VTI1A: variants seen among roughly 807,000 people sequenced by gnomAD.
The protein encoded by VTI1A is vesicle transport through interaction with t-SNAREs 1A.
A neutral mutation model predicts 34.9 loss-of-function variants in VTI1A; 22 were observed. The observed-to-expected ratio is 0.63, with a 90% confidence interval of 0.45 to 0.90. VTI1A has a LOEUF of 0.90. VTI1A is among the 40% of genes least tolerant of loss of function. The pLI, the probability that VTI1A is intolerant of heterozygous loss-of-function variation, is 0.00. For synonymous variants in VTI1A, 87 were observed against 97.3 expected, an observed-to-expected ratio of 0.89 and a Z score of 0.62; for missense variants, 268 against 275.6, an observed-to-expected ratio of 0.97 and a Z score of 0.20.
At chr10:112,521,212 T>C (rs903454733) in intron 3 of VTI1A, among the ~76,000 whole-genome samples, 1 of 152,058 alleles carries the variant, frequency 6.6e-6, no homozygotes, top group African/African-American at 2.4e-5. Flanking sequence ...GAACTTACTT[T>C]CTCTGATAGC....
At chr10:112,695,370 T>A (rs1193386202) in intron 7 of VTI1A, among the ~76,000 whole-genome samples, 1 of 147,864 alleles carries the variant, frequency 6.8e-6, no homozygotes, top group Non-Finnish European at 1.5e-5. Context: ...AGCCTTCAAA[T>A]GACATTTTTT....
At chr10:112,447,985 A>C (rs2133994603) in intron 1 of VTI1A, among the ~76,000 whole-genome samples, 1 of 152,280 alleles carries the variant, frequency 6.6e-6, no homozygotes, top group East Asian at 1.9e-4. Flanking sequence ...CAGTGAGCCA[A>C]GATCTCGCCA....
chr10:112,731,063 G>T (rs1219180576), intron 7 of VTI1A, among the ~76,000 whole-genome samples: 1 of 152,008 alleles, frequency 6.6e-6, no homozygotes, highest in Non-Finnish European at 1.5e-5. Context: ...TGCCTTCTTT[G>T]TTGCATTCTG....
At position 112,568,804 on chromosome 10, in the gene VTI1A, C is replaced by G. The variant is rs550590792; in HGVS notation, c.427+30474C>G. On this transcript the variant is annotated intron_variant, in intron 5 of 7. Transcript: ENST00000393077. ...GTTTTTCCCCCCACTTTCTGTAACT[C>G]TCCTTTGACCACCTTTCTACCCTTG... is the stretch of plus-strand genomic sequence containing the variant. Among the ~76,000 whole-genome samples the G allele has an allele frequency of 2.6e-5, 4 of 152,234 alleles. No homozygotes were observed. In the South Asian group the frequency reaches 8.3e-4, roughly 32 times the overall value.
At chr10:112,714,954 A>G (rs932231396) in intron 7 of VTI1A, among the ~76,000 whole-genome samples, 6 of 152,234 alleles carry the variant, frequency 3.9e-5, no homozygotes, top group Non-Finnish European at 5.9e-5. Flanking sequence ...GTTGCAGGTT[A>G]TAAGTTATAT....
At chr10:112,610,598 G>A (rs1845258452) in intron 5 of VTI1A, among the ~76,000 whole-genome samples, 1 of 152,302 alleles carries the variant, frequency 6.6e-6, no homozygotes, top group Admixed American at 6.5e-5. Context: ...TTATTACTCA[G>A]AACTTAGGAC....
chr10:112,637,669 A>AG (rs1163029269), intron 5 of VTI1A, among the ~76,000 whole-genome samples: 1 of 152,204 alleles, frequency 6.6e-6, no homozygotes, highest in Non-Finnish European at 1.5e-5. Flanking sequence ...CAAAAAAAAA[A>AG]CAGCTGTATA....
the VTI1A span, among the ~76,000 whole-genome samples, chr10:112,836,618 T>C: frequency 7.5e-3 from 1,150 of 152,320 alleles, 11 homozygotes; most frequent in Non-Finnish European, 0.01. Flanking sequence ...GACTCCAAGA[T>C]TGGAATCAGG....
At chr10:112,674,122 A>T (rs918303670) in intron 7 of VTI1A, among the ~76,000 whole-genome samples, 4 of 152,176 alleles carry the variant, frequency 2.6e-5, no homozygotes, top group African/African-American at 9.7e-5. Context: ...CCTTGCATTT[A>T]TATTTTTACT....
In VTI1A at chr10:112,816,186, C is replaced by T. The variant is rs185635528; in HGVS notation, c.*803C>T. 1,191 of 217,862 alleles carry T rather than the reference C, an allele frequency of 5.5e-3. 11 individuals are homozygous for T. Among genetic ancestry groups the T allele is most frequent in the Middle Eastern group, 0.01 (7 of 700 alleles). 13.5% of individuals were successfully genotyped at this position (217,862 alleles called of 1,614,324 possible). A position where few individuals can be genotyped will look rare whatever the true frequency, so the allele number is the denominator to read the frequency against. ...TGACCTGTGTAAGCATCTCTGTATCCTTTCGGTTTTAATATCTGCACTGCC... is the reference window on the plus strand; with the variant it reads ...TGACCTGTGTAAGCATCTCTGTATCTTTTCGGTTTTAATATCTGCACTGCC... On this transcript the variant is annotated 3_prime_UTR_variant, in exon 8 of 8. Coordinates refer to ENST00000393077, the MANE Select transcript of VTI1A (RefSeq NM_145206.4).
intron 5 of VTI1A, among the ~76,000 whole-genome samples, chr10:112,604,982 GA>G (rs1845020611): frequency 6.6e-6 from 1 of 152,058 alleles, no homozygotes; most frequent in South Asian, 2.1e-4. Context: ...GGCCTCTTTT[GA>G]AAATTTGTGC....
intron 7 of VTI1A, among the ~76,000 whole-genome samples, chr10:112,763,206 C>T (rs1440256228): frequency 3.3e-5 from 5 of 152,000 alleles, no homozygotes; most frequent in East Asian, 3.9e-4. Flanking sequence ...TTTGGGAGGT[C>T]GAGGCGGGCG....
intron 5 of VTI1A, among the ~76,000 whole-genome samples, chr10:112,665,075 C>T (rs1386867742): frequency 1.3e-5 from 2 of 152,196 alleles, no homozygotes; most frequent in Non-Finnish European, 2.9e-5. Flanking sequence ...TTAAATATCA[C>T]ATCTGCCATT....
chr10:112,775,425 T>C (rs1023651237), intron 7 of VTI1A, among the ~76,000 whole-genome samples: 4 of 152,200 alleles, frequency 2.6e-5, no homozygotes, highest in African/African-American at 9.6e-5. Context: ...CATTTGCTTA[T>C]TAAGTAAGGA....
At chr10:112,758,166 C>T (rs896866991) in intron 7 of VTI1A, among the ~76,000 whole-genome samples, 1 of 152,154 alleles carries the variant, frequency 6.6e-6, no homozygotes, top group Admixed American at 6.5e-5. Context: ...GGGAAGTTCT[C>T]AGGATTAGCA....
intron 5 of VTI1A, among the ~76,000 whole-genome samples, chr10:112,606,353 C>T (rs917282733): frequency 1.6e-4 from 24 of 152,122 alleles, no homozygotes; most frequent in African/African-American, 5.5e-4. Context: ...ATAACTCTTA[C>T]CAGCTTGAGC....
chr10:112,504,455 G>A (rs1158119553), intron 3 of VTI1A, among the ~76,000 whole-genome samples: 3 of 151,966 alleles, frequency 2.0e-5, no homozygotes, highest in Non-Finnish European at 2.9e-5. Context: ...TTTTACAGTC[G>A]ATGTTGGAGA....
chr10:112,837,119 G>A, the VTI1A span, among the ~76,000 whole-genome samples: 2 of 152,170 alleles, frequency 1.3e-5, no homozygotes, highest in African/African-American at 2.4e-5. Flanking sequence ...TCAGGAGTTC[G>A]AGACCAGCCT....
chr10:112,518,762 G>T (rs1440135488), intron 3 of VTI1A, among the ~76,000 whole-genome samples: 3 of 151,142 alleles, frequency 2.0e-5, no homozygotes, highest in Non-Finnish European at 2.9e-5. Flanking sequence ...ACCAGTAGAG[G>T]GTGAAACATT....
Sources: gnomAD v4.1 joint callset for allele counts (sites outside exome capture counted in the v4.1 genomes callset) on GRCh38, gnomAD v4.1.1 for gene constraint, MANE v1.5 for transcripts, NCBI Gene and HGNC (gene_info 2026-07-23, HGNC 2026-07-21) for gene names.